Variants in ARL15 observed in about 807,000 individuals in gnomAD.
ARL15 encodes ADP-ribosylation factor-like protein 15.
In ARL15, 19 loss-of-function variants were observed where a neutral mutation model predicts 25.2. That is an observed-to-expected ratio of 0.75 (90% CI 0.53 to 1.10). The LOEUF is 1.10. Ranked by LOEUF, ARL15 falls within the 50% of genes least tolerant of loss-of-function variation. The pLI is 0.00. For synonymous variants in ARL15, 94 were observed against 86.8 expected (o/e 1.08, Z -0.46); for missense variants, 220 against 246.0 (o/e 0.89, Z 0.71).
intron 1 of ARL15, among the ~76,000 whole-genome samples, chr5:54,247,070 T>A (rs1197176754): frequency 6.6e-6 from 1 of 152,070 alleles, no homozygotes; most frequent in East Asian, 1.9e-4. Context: ...TTAAAATAAT[T>A]TGCATTTTTG....
chr5:54,290,814 A>G (rs1758302861), intron 1 of ARL15, among the ~76,000 whole-genome samples: 1 of 152,200 alleles, frequency 6.6e-6, no homozygotes, highest in Admixed American at 6.5e-5. Context: ...TTAAATGAAC[A>G]CAACTTTTCA....
At chr5:54,272,087 G>A (rs1315346434) in intron 1 of ARL15, among the ~76,000 whole-genome samples, 1 of 143,556 alleles carries the variant, frequency 7.0e-6, no homozygotes, top group Non-Finnish European at 1.5e-5. Context: ...AGGCCTATAG[G>A]TGTGTGCCAC....
At chr5:53,943,136 G>A (rs62372394) in intron 4 of ARL15, among the ~76,000 whole-genome samples, 1 of 152,038 alleles carries the variant, frequency 6.6e-6, no homozygotes, top group Non-Finnish European at 1.5e-5. Context: ...TGTTGGGGAA[G>A]ATAAGAAGGG....
intron 1 of ARL15, among the ~76,000 whole-genome samples, chr5:54,234,139 G>A (rs1756740800): frequency 6.6e-6 from 1 of 152,024 alleles, no homozygotes; most frequent in Non-Finnish European, 1.5e-5. Context: ...GGGATTATAG[G>A]CGCGTGCCAC....
At chr5:53,962,244 A>G (rs1437393087) in intron 4 of ARL15, among the ~76,000 whole-genome samples, 1 of 152,214 alleles carries the variant, frequency 6.6e-6, no homozygotes, top group Non-Finnish European at 1.5e-5. Context: ...CAACAGGTAC[A>G]TAAAATAAAA....
chr5:54,012,043 CA>C (rs1749261991), intron 4 of ARL15, among the ~76,000 whole-genome samples: 4 of 151,970 alleles, frequency 2.6e-5, no homozygotes, highest in Admixed American at 2.6e-4. Context: ...ATAGACAAAC[CA>C]AATATTGTAA....
intron 3 of ARL15, among the ~76,000 whole-genome samples, chr5:54,147,445 C>G (rs558842026): frequency 6.6e-6 from 1 of 152,120 alleles, no homozygotes; most frequent in Non-Finnish European, 1.5e-5. Context: ...AAAATAACAA[C>G]AAGAAAATCA....
chr5:53,910,365 T>C (rs1432957515), intron 4 of ARL15, among the ~76,000 whole-genome samples: 22 of 152,112 alleles, frequency 1.4e-4, no homozygotes, highest in Admixed American at 1.4e-3. Context: ...CAAATCACTT[T>C]ATGGCATTTC....
intron 1 of ARL15, among the ~76,000 whole-genome samples, chr5:54,175,871 CCAT>C (rs1255493083): frequency 6.6e-6 from 1 of 151,526 alleles, no homozygotes. Context: ...AGGCTGGTCT[CCAT>C]CTCCTGAGCT....
In ARL15 at chr5:54,178,060, T is replaced by C. The variant is rs141894908; in HGVS notation, c.49-6132A>G. Among the ~76,000 whole-genome samples the C allele has an allele frequency of 2.0e-4, 30 of 152,322 alleles. 1 individual carries two copies. In the Middle Eastern group the frequency reaches 0.024, roughly 121 times the overall value. On this transcript the variant is annotated intron_variant, in intron 1 of 4. Coordinates refer to ENST00000504924, the MANE Select transcript of ARL15 (RefSeq NM_019087.3). ...TGGTCCTATTATAGGTTCAAAAAGCTTAATCTTACAGCTACCAAGGGGTGG... is the reference window on the plus strand; with the variant it reads ...TGGTCCTATTATAGGTTCAAAAAGCCTAATCTTACAGCTACCAAGGGGTGG...
At chr5:54,024,215 T>C (rs1225227191) in intron 4 of ARL15, among the ~76,000 whole-genome samples, 4 of 152,208 alleles carry the variant, frequency 2.6e-5, no homozygotes, top group East Asian at 1.9e-4. Context: ...TTGTACTATA[T>C]GGTTTTATAA....
rs148913795 is a variant in ARL15 at position 54,121,951 on chromosome 5, T to A, written c.254-8541A>T. Among the ~76,000 whole-genome samples the A allele has an allele frequency of 2.2e-4, 34 of 152,322 alleles. No individual in the cohort carries two copies. The East Asian group carries it at 6.2e-3, about 28-fold the overall frequency. ...TTGTGGATGTTACTATTATCATTTG[T>A]CCACCATTTAAGCCTATAACTCACA... On this transcript the variant is annotated intron_variant, in intron 3 of 4. Coordinates refer to ENST00000504924, the MANE Select transcript of ARL15 (RefSeq NM_019087.3).
At chr5:54,188,785 T>TA (rs1318899659) in intron 1 of ARL15, among the ~76,000 whole-genome samples, 4 of 152,270 alleles carry the variant, frequency 2.6e-5, no homozygotes, top group Non-Finnish European at 5.9e-5. Context: ...GGGCAGAGAA[T>TA]AAAAAATTGA....
intron 4 of ARL15, among the ~76,000 whole-genome samples, chr5:54,083,472 G>T (rs9686938): frequency 0.08 from 12,201 of 152,166 alleles, 614 homozygotes; most frequent in African/African-American, 0.11. Context: ...ATGTGCTTTG[G>T]CTGGACATTG....
intron 4 of ARL15, among the ~76,000 whole-genome samples, chr5:53,896,434 C>CCCCCTTT (rs1489107240): frequency 1.3e-5 from 2 of 152,120 alleles, no homozygotes; most frequent in African/African-American, 4.8e-5. Flanking sequence ...GGTTATAATT[C>CCCCCTTT]CATGTAACTT....
At chr5:53,942,934 T>C (rs1476388594) in intron 4 of ARL15, among the ~76,000 whole-genome samples, 1 of 152,038 alleles carries the variant, frequency 6.6e-6, no homozygotes, top group East Asian at 1.9e-4. Context: ...GGATCCGCTG[T>C]GGATTGCGTA....
intron 4 of ARL15, among the ~76,000 whole-genome samples, chr5:54,072,221 C>G (rs1465533142): frequency 6.6e-6 from 1 of 152,126 alleles, no homozygotes; most frequent in African/African-American, 2.4e-5. Flanking sequence ...ACTAACAAAA[C>G]AGTTCCCCAT....
intron 1 of ARL15, among the ~76,000 whole-genome samples, chr5:54,289,601 G>A (rs1238747546): frequency 6.6e-6 from 1 of 151,250 alleles, no homozygotes; most frequent in Non-Finnish European, 1.5e-5. Flanking sequence ...AAGCAGTTCT[G>A]GGAGACATTA....
At chr5:53,987,474 AC>A (rs1287882501) in intron 4 of ARL15, among the ~76,000 whole-genome samples, 1 of 91,708 alleles carries the variant, frequency 1.1e-5, no homozygotes, top group Non-Finnish European at 2.3e-5. Flanking sequence ...AACCCCTTTC[AC>A]TTTTTTTTTT....
Sources: gnomAD v4.1 joint callset for allele counts (sites outside exome capture counted in the v4.1 genomes callset) on GRCh38, gnomAD v4.1.1 for gene constraint, MANE v1.5 for transcripts, NCBI Gene and HGNC (gene_info 2026-07-23, HGNC 2026-07-21) for gene names.